Variants in AMPH observed in about 807,000 individuals in gnomAD.
AMPH encodes amphiphysin.
Under a neutral mutation model 99.1 loss-of-function variants are expected in AMPH, and 49 were observed. The observed-to-expected ratio is 0.49, with a 90% CI of 0.39 to 0.63. The LOEUF is 0.63. AMPH is among the 20% of genes least tolerant of loss of function. The pLI is 0.00. For missense variants in AMPH, 759 were observed against 863.4 expected (o/e 0.88, Z 1.52); for synonymous variants, 314 against 317.3 (o/e 0.99, Z 0.11).
chr7:38,422,890 G>A (rs1785641317), intron 15 of AMPH, among the ~76,000 whole-genome samples: 1 of 152,196 alleles, frequency 6.6e-6, no homozygotes, highest in Admixed American at 6.5e-5. Flanking sequence ...AGAGTGCTAG[G>A]ATTACAGGTG....
At chr7:38,434,757 A>AG (rs1391113324) in intron 12 of AMPH, among the ~76,000 whole-genome samples, 1 of 144,760 alleles carries the variant, frequency 6.9e-6, no homozygotes, top group Non-Finnish European at 1.5e-5. Flanking sequence ...AAAAAAAAAA[A>AG]GAAGCATGGA....
At chr7:38,424,317 G>C (rs1448592083) in intron 15 of AMPH, among the ~76,000 whole-genome samples, 1 of 152,156 alleles carries the variant, frequency 6.6e-6, no homozygotes, top group Non-Finnish European at 1.5e-5. Context: ...ATATAAAAGA[G>C]AGATGGAATA....
At position 38,422,415 on chromosome 7, in the gene AMPH, A is replaced by G. The variant is rs776330338; in HGVS notation, c.1272+6T>C. On this transcript the variant is annotated splice_donor_region_variant and intron_variant, in intron 16 of 20. Coordinates refer to ENST00000356264, the MANE Select transcript of AMPH (RefSeq NM_001635.4). ...TTCCTGAGAGCACAAACCCAAATCAACTTACCAAGTTGCAGATCATACTCT... is the reference window on the plus strand; with the variant it reads ...TTCCTGAGAGCACAAACCCAAATCAGCTTACCAAGTTGCAGATCATACTCT... 13 of 1,612,464 alleles carry G rather than the reference A, an allele frequency of 8.1e-6. No homozygotes were observed. The highest frequency in any genetic ancestry group is 4.0e-5 in the African/African-American group (3 of 74,854).
intron 18 of AMPH, 117 bp from the exon 19 acceptor site, chr7:38,392,134 C>G (rs1218356895): frequency 9.7e-7 from 1 of 1,034,762 alleles, no homozygotes; most frequent in East Asian, 2.5e-5. Flanking sequence ...TCCATACTTC[C>G]CCACTAGCCA....
chr7:38,468,431 C>T (rs949748404), intron 7 of AMPH, among the ~76,000 whole-genome samples: 1 of 152,096 alleles, frequency 6.6e-6, no homozygotes, highest in Non-Finnish European at 1.5e-5. Flanking sequence ...TCCCATTCTT[C>T]TATATTTCAA....
At chr7:38,599,831 T>C (rs1361270014) in intron 1 of AMPH, among the ~76,000 whole-genome samples, 1 of 151,644 alleles carries the variant, frequency 6.6e-6, no homozygotes, top group Non-Finnish European at 1.5e-5. Context: ...ATTATTTTAA[T>C]AGTAAAATAA....
chr7:38,563,115 T>C (rs142340511), intron 1 of AMPH, among the ~76,000 whole-genome samples: 3 of 150,380 alleles, frequency 2.0e-5, no homozygotes, highest in African/African-American at 7.3e-5. Flanking sequence ...CACATGCAGA[T>C]ACTTGTTAAG....
intron 11 of AMPH, among the ~76,000 whole-genome samples, chr7:38,456,113 T>C (rs1199912335): frequency 6.6e-6 from 1 of 152,172 alleles, no homozygotes. Flanking sequence ...CCAAGGCTGA[T>C]GCTACTGCTG....
intron 17 of AMPH, among the ~76,000 whole-genome samples, chr7:38,416,629 T>C (rs1428199501): frequency 6.6e-6 from 1 of 152,184 alleles, no homozygotes; most frequent in Non-Finnish European, 1.5e-5. Context: ...AAAATTAAAC[T>C]CCATTTTTCC....
chr7:38,501,940 G>T (rs1366187021), intron 3 of AMPH, among the ~76,000 whole-genome samples: 3 of 152,072 alleles, frequency 2.0e-5, no homozygotes, highest in Non-Finnish European at 4.4e-5. Context: ...GAGGAAAAAT[G>T]ATAAAATCTT....
chr7:38,526,556 G>C (rs959071141), intron 2 of AMPH, among the ~76,000 whole-genome samples: 1 of 150,188 alleles, frequency 6.7e-6, no homozygotes, highest in Non-Finnish European at 1.5e-5. Context: ...GATTACAGGC[G>C]TGAGCCACTG....
At chr7:38,399,270 AC>A (rs1305957381) in intron 17 of AMPH, among the ~76,000 whole-genome samples, 7 of 152,168 alleles carry the variant, frequency 4.6e-5, no homozygotes, top group Admixed American at 3.3e-4. Flanking sequence ...AACTACATAA[AC>A]AGAGAAGGAT....
At chr7:38,513,016 G>C (rs1789598403) in intron 2 of AMPH, among the ~76,000 whole-genome samples, 1 of 152,244 alleles carries the variant, frequency 6.6e-6, no homozygotes, top group Middle Eastern at 3.4e-3. Flanking sequence ...GATAAATGCA[G>C]AACAGTTTGA....
At chr7:38,631,229 G>A in intron 1 of AMPH, 54 bp downstream of exon 1, 2 of 1,479,316 alleles carry the variant, frequency 1.4e-6, no homozygotes, top group South Asian at 1.3e-5. Flanking sequence ...GGTGCCCTCC[G>A]GCCAAGCCCC....
At position 38,535,295 on chromosome 7, in the gene AMPH, G is replaced by T. The variant is rs1243028761; in HGVS notation, c.70-284C>A. On this transcript the variant is annotated intron_variant, in intron 1 of 20. Coordinates refer to ENST00000356264, the MANE Select transcript of AMPH (RefSeq NM_001635.4). ...TTTATATAACTGTTTCCTTTAGCAG[G>T]CTGTGCGTGACTTAGAGACAGAAGC... Among the ~76,000 whole-genome samples the T allele has an allele frequency of 2.0e-5, 3 of 152,050 alleles. No homozygotes were observed. The East Asian group carries it at 5.8e-4, about 29-fold the overall frequency.
rs1321358579 is a variant in AMPH, at chr7:38,384,073, A to G, written c.*745T>C. Reference sequence around the variant, plus strand: ...CGTGCTATCTGTCATCTCATCCTGAAAACTGCACAGTACAAACACAGATAC... The same window carrying G: ...CGTGCTATCTGTCATCTCATCCTGAGAACTGCACAGTACAAACACAGATAC... On this transcript the variant is annotated 3_prime_UTR_variant, in exon 21 of 21. Transcript: ENST00000356264. 1 of 152,312 alleles carries G rather than the reference A, an allele frequency of 6.6e-6. No individual in the cohort carries two copies. The highest frequency in any genetic ancestry group is 1.5e-5 in the Non-Finnish European group (1 of 68,042). The allele number at this position is 152,312 out of a possible 1,614,324, so 9.4% of individuals were successfully genotyped here.
chr7:38,525,275 TATAGAGAGAG>T (rs1386623008), intron 2 of AMPH, among the ~76,000 whole-genome samples: 864 of 86,262 alleles, frequency 0.01, 13 homozygotes, highest in African/African-American at 0.039. Flanking sequence ...TATATATATA[TATAGAGAGAG>T]AGAGAGAGAG....
chr7:38,474,625 G>T (rs932343297), intron 7 of AMPH, among the ~76,000 whole-genome samples: 1 of 152,110 alleles, frequency 6.6e-6, no homozygotes, highest in Non-Finnish European at 1.5e-5. Flanking sequence ...TTAAAATAAC[G>T]TGGCATTATT....
intron 18 of AMPH, 26 bp downstream of exon 18, chr7:38,393,979 C>A (rs1784591447): frequency 6.2e-7 from 1 of 1,612,926 alleles, no homozygotes; most frequent in Non-Finnish European, 8.5e-7. Flanking sequence ...CCAGGAGCTC[C>A]CCTGGCTGCG....
Sources: allele counts gnomAD v4.1 joint callset (sites outside exome capture counted in the v4.1 genomes callset), GRCh38; gene constraint gnomAD v4.1.1; transcripts MANE v1.5; gene names NCBI Gene and HGNC (gene_info 2026-07-23, HGNC 2026-07-21).